The following PTPRN2 variants were observed in gnomAD, a reference collection of about 807,000 sequenced individuals.
PTPRN2 encodes protein tyrosine phosphatase receptor type N2.
PTPRN2 carries 74 observed loss-of-function variants against 118.8 expected under a neutral mutation model. The observed-to-expected ratio is 0.62, with a 90% CI of 0.52 to 0.76. PTPRN2 has a LOEUF of 0.76. Ranked by LOEUF, PTPRN2 falls within the 30% of genes least tolerant of loss-of-function variation. PTPRN2 has a pLI of 0.00. For synonymous variants in PTPRN2, 641 were observed against 608.0 expected, an observed-to-expected ratio of 1.05 and a Z score of -0.80; for missense variants, 1,481 against 1,394.4, an observed-to-expected ratio of 1.06 and a Z score of -0.99.
At chr7:157,714,631 G>A (rs146663115) in intron 12 of PTPRN2, among the ~76,000 whole-genome samples, 124 of 152,276 alleles carry the variant, frequency 8.1e-4, no homozygotes, top group African/African-American at 2.7e-3. Flanking sequence ...CAGGAATCCC[G>A]ACACTCACTA....
chr7:158,401,453 C>T (rs1476439454), intron 2 of PTPRN2, among the ~76,000 whole-genome samples: 3 of 151,648 alleles, frequency 2.0e-5, no homozygotes, highest in South Asian at 2.1e-4. Flanking sequence ...GAAGCTGCCA[C>T]GGGACGGCCC....
chr7:157,767,390 T>G (rs901024853), intron 12 of PTPRN2, among the ~76,000 whole-genome samples: 5 of 152,220 alleles, frequency 3.3e-5, no homozygotes, highest in African/African-American at 1.2e-4. Flanking sequence ...TCTGTGTTCT[T>G]AGGATAACCC....
At chr7:157,960,695 T>G (rs1418514360) in intron 11 of PTPRN2, among the ~76,000 whole-genome samples, 1 of 152,132 alleles carries the variant, frequency 6.6e-6, no homozygotes, top group Non-Finnish European at 1.5e-5. Context: ...CAATGATAAA[T>G]GAAAAACAAA....
chr7:158,146,380 C>T (rs10237337), intron 6 of PTPRN2, among the ~76,000 whole-genome samples: 46,753 of 152,054 alleles, frequency 0.31, 7,363 homozygotes, highest in East Asian at 0.39. Flanking sequence ...TTGCACCAAC[C>T]TGTATTGGGC....
chr7:158,302,087 T>C (rs1438182751), intron 3 of PTPRN2, among the ~76,000 whole-genome samples: 2 of 152,316 alleles, frequency 1.3e-5, no homozygotes, highest in African/African-American at 4.8e-5. Flanking sequence ...ATGTGCTATT[T>C]ATAAAAGATG....
chr7:158,510,876 A>T (rs140494837), intron 1 of PTPRN2, among the ~76,000 whole-genome samples: 1 of 152,310 alleles, frequency 6.6e-6, no homozygotes, highest in East Asian at 1.9e-4. Context: ...CTGGGAAACG[A>T]CATGTGTCGA....
At chr7:157,954,131 ATGTG>A (rs1426042766) in intron 11 of PTPRN2, among the ~76,000 whole-genome samples, 1 of 146,540 alleles carries the variant, frequency 6.8e-6, no homozygotes, top group Non-Finnish European at 1.5e-5. Context: ...TAGTCTCTGT[ATGTG>A]TGTCCATGTG....
intron 12 of PTPRN2, among the ~76,000 whole-genome samples, chr7:157,781,167 C>G (rs1433787506): frequency 1.3e-5 from 2 of 152,228 alleles, no homozygotes; most frequent in East Asian, 3.8e-4. Context: ...AGCCCTGACC[C>G]CACAGCACCA....
intron 22 of PTPRN2, among the ~76,000 whole-genome samples, chr7:157,543,240 C>G (rs1016618891): frequency 2.6e-5 from 4 of 152,210 alleles, no homozygotes; most frequent in Admixed American, 6.5e-5. Flanking sequence ...ACAGGACATT[C>G]GAGAGGCCGA....
intron 3 of PTPRN2, among the ~76,000 whole-genome samples, chr7:158,312,828 C>G (rs1801964432): frequency 6.6e-6 from 1 of 151,262 alleles, no homozygotes; most frequent in South Asian, 2.1e-4. Context: ...TAGATATCCC[C>G]TACACGTGAG....
In PTPRN2 at chr7:157,887,357, G is replaced by C. The variant is rs188694132; in HGVS notation, c.1788+11316C>G. Among the ~76,000 whole-genome samples, 4 of 152,008 alleles carry C rather than the reference G, an allele frequency of 2.6e-5. No homozygotes were observed. The East Asian group carries it at 5.8e-4, about 22-fold the overall frequency. Reference sequence around the variant, plus strand: ...ACCATCTGTCAACTAATGCATATTAGAATAAAATAGAGTGACAGTGCAGGA... The same window carrying C: ...ACCATCTGTCAACTAATGCATATTACAATAAAATAGAGTGACAGTGCAGGA... On this transcript the variant is annotated intron_variant, in intron 12 of 22. Transcript: ENST00000389418.
intron 2 of PTPRN2, among the ~76,000 whole-genome samples, chr7:158,348,889 T>C (rs891800522): frequency 1.4e-4 from 20 of 141,226 alleles, no homozygotes; most frequent in East Asian, 4.4e-4. Flanking sequence ...CCCTGGGTGG[T>C]CCCTGAGGGC....
In PTPRN2 at chr7:158,140,741, A is replaced by G. The variant is rs190893715; in HGVS notation, c.911-2226T>C. 8.2e-3 allele frequency among the ~76,000 whole-genome samples: 1,254 copies of G among 152,328 alleles called. 15 individuals carry two copies. Among genetic ancestry groups the G allele is most frequent in the African/African-American group, 0.029 (1,194 of 41,566 alleles). Reference sequence around the variant, plus strand: ...GCCGTGCAGCGTGGCCGCTGGTTCCAGGCCCACATGCGTCCAACGCGTCAT... The same window carrying G: ...GCCGTGCAGCGTGGCCGCTGGTTCCGGGCCCACATGCGTCCAACGCGTCAT... On this transcript the variant is annotated intron_variant, in intron 6 of 22. Coordinates refer to ENST00000389418, the MANE Select transcript of PTPRN2 (RefSeq NM_002847.5).
At chr7:157,735,057 C>G (rs1035124273) in intron 12 of PTPRN2, among the ~76,000 whole-genome samples, 1 of 152,230 alleles carries the variant, frequency 6.6e-6, no homozygotes, top group African/African-American at 2.4e-5. Context: ...GCCGCTGGCA[C>G]CGAGAGCACC....
At chr7:157,700,596 G>C (rs1207644401) in intron 12 of PTPRN2, among the ~76,000 whole-genome samples, 2 of 152,098 alleles carry the variant, frequency 1.3e-5, no homozygotes, top group Admixed American at 1.3e-4. Flanking sequence ...TGCAGTCCTG[G>C]GGTCTGGTCC....
intron 3 of PTPRN2, among the ~76,000 whole-genome samples, chr7:158,233,305 C>T (rs1199611708): frequency 1.3e-5 from 2 of 152,128 alleles, no homozygotes; most frequent in Non-Finnish European, 1.5e-5. Flanking sequence ...AATAAAGTAA[C>T]CCTATTTCCA....
chr7:158,496,326 G>A (rs1332183290), intron 1 of PTPRN2, among the ~76,000 whole-genome samples: 1 of 76,742 alleles, frequency 1.3e-5, no homozygotes. Flanking sequence ...CTTTCCTGTG[G>A]CCCCTCCCCT....
At chr7:158,146,683 T>G (rs1250378941) in intron 6 of PTPRN2, among the ~76,000 whole-genome samples, 1 of 142,856 alleles carries the variant, frequency 7.0e-6, no homozygotes, top group South Asian at 2.2e-4. Flanking sequence ...ATCGCGCCAC[T>G]GCACTCCAGC....
chr7:158,334,799 G>A (rs1338990531), intron 2 of PTPRN2, among the ~76,000 whole-genome samples: 2 of 62,590 alleles, frequency 3.2e-5, no homozygotes, highest in Admixed American at 1.9e-4. Flanking sequence ...GCTGACGCCC[G>A]CAGACGTTAC....
Sources: gnomAD v4.1 joint callset for allele counts (sites outside exome capture counted in the v4.1 genomes callset) on GRCh38, gnomAD v4.1.1 for gene constraint, MANE v1.5 for transcripts, NCBI Gene and HGNC (gene_info 2026-07-23, HGNC 2026-07-21) for gene names.